Variants in ALKBH5 observed in about 807,000 individuals in gnomAD.
ALKBH5 encodes RNA demethylase ALKBH5.
ALKBH5 carries 2 observed loss-of-function variants against 32.1 expected under a neutral mutation model. That is an observed-to-expected ratio of 0.06 (90% CI 0.03 to 0.20). The LOEUF is 0.20. ALKBH5 is among the 10% of genes least tolerant of loss of function. ALKBH5 has a pLI of 1.00. For synonymous variants in ALKBH5, 300 were observed against 231.7 expected (o/e 1.29, Z -2.68); for missense variants, 352 against 559.5 (o/e 0.63, Z 3.74).
intron 1 of ALKBH5, among the ~76,000 whole-genome samples, chr17:18,190,933 T>G (rs967194482): frequency 1.3e-5 from 2 of 152,188 alleles, no homozygotes; most frequent in Non-Finnish European, 2.9e-5. Flanking sequence ...TTGCAACATA[T>G]ACTGGTCAGT....
chr17:18,204,958 G>A (rs1597842647), intron 2 of ALKBH5, among the ~76,000 whole-genome samples: 1 of 152,048 alleles, frequency 6.6e-6, no homozygotes. Context: ...GCTTGGGCAG[G>A]AGGATCCCTT....
intron 1 of ALKBH5, among the ~76,000 whole-genome samples, chr17:18,187,244 G>A (rs541888529): frequency 1.1e-4 from 17 of 152,176 alleles, no homozygotes; most frequent in African/African-American, 4.1e-4. Flanking sequence ...CTAGGAATGA[G>A]CCAAGCAGAG....
chr17:18,194,343 G>A (rs957693905), intron 1 of ALKBH5, among the ~76,000 whole-genome samples: 2 of 152,064 alleles, frequency 1.3e-5, no homozygotes, highest in African/African-American at 4.8e-5. Flanking sequence ...TAGTAGAGAT[G>A]GGGTTTCGCC....
At chr17:18,205,932 C>T (rs191756343) in intron 2 of ALKBH5, among the ~76,000 whole-genome samples, 1 of 152,312 alleles carries the variant, frequency 6.6e-6, no homozygotes, top group Admixed American at 6.5e-5. Flanking sequence ...CTATCGCTTC[C>T]CACCCAGTCT....
intron 1 of ALKBH5, among the ~76,000 whole-genome samples, chr17:18,188,285 A>ATCTT (rs2047151824): frequency 6.6e-6 from 1 of 152,246 alleles, no homozygotes; most frequent in Admixed American, 6.5e-5. Context: ...TGCTATCTTT[A>ATCTT]ATCACTGCTA....
chr17:18,201,841 TA>T (rs1414095333), intron 2 of ALKBH5, among the ~76,000 whole-genome samples: 30 of 73,568 alleles, frequency 4.1e-4, no homozygotes, highest in African/African-American at 7.1e-4. Context: ...AGATAGATGA[TA>T]GATAGATTGA....
chr17:18,201,671 G>A (rs894490627), intron 2 of ALKBH5, among the ~76,000 whole-genome samples: 1 of 152,030 alleles, frequency 6.6e-6, no homozygotes, highest in African/African-American at 2.4e-5. Context: ...CTTGAGCATG[G>A]GAGGCAGAGG....
Position 18,184,303 on chromosome 17 carries a change from G to A in ALKBH5, c.60G>A (p.Arg20=), listed in dbSNP as rs1319894128. ...AGAAGCTCAAGTCCATGACGTCCCG[G>A]GACAACTATAAGGCGGGCAGCCGGG... The part of the protein sequence containing the change: ...LREKLKSMTS[R]DNYKAGSREA... Residue 20 remains arginine, a synonymous_variant, in exon 1 of 4, where the codon CGG becomes CGA. Transcript: ENST00000399138. 5.2e-6 allele frequency: 8 copies of A among 1,527,804 alleles called. No homozygotes were observed. The Admixed American group carries it at 1.5e-4, about 28-fold the overall frequency. 94.6% of individuals were successfully genotyped at this position (1,527,804 alleles called of 1,614,324 possible). A position where few individuals can be genotyped will look rare whatever the true frequency, so the allele number is the denominator to read the frequency against.
chr17:18,205,553 G>GT (rs1231985996), intron 2 of ALKBH5, among the ~76,000 whole-genome samples: 1 of 152,226 alleles, frequency 6.6e-6, no homozygotes, highest in Non-Finnish European at 1.5e-5. Flanking sequence ...CACGTTCAGA[G>GT]TAACTCTTGC....
At chr17:18,203,185 G>T (rs528976904) in intron 2 of ALKBH5, among the ~76,000 whole-genome samples, 1 of 152,002 alleles carries the variant, frequency 6.6e-6, no homozygotes, top group Non-Finnish European at 1.5e-5. Context: ...CTCCCAAAGT[G>T]CTGGGATTAC....
chr17:18,207,101 C>T (rs2047273620), intron 3 of ALKBH5, 131 bp downstream of exon 3: 11 of 1,278,750 alleles, frequency 8.6e-6, no homozygotes, highest in Middle Eastern at 4.7e-4. Flanking sequence ...TGTCTGGTTC[C>T]TCTGGGTTGG....
chr17:18,197,116 T>G (rs998684932), intron 2 of ALKBH5, among the ~76,000 whole-genome samples: 1 of 152,182 alleles, frequency 6.6e-6, no homozygotes. Context: ...TTAGTCTGTT[T>G]TAACTATAGT....
At chr17:18,193,440 G>T (rs2047189243) in intron 1 of ALKBH5, among the ~76,000 whole-genome samples, 1 of 152,040 alleles carries the variant, frequency 6.6e-6, no homozygotes, top group African/African-American at 2.4e-5. Context: ...CCAGCTACTT[G>T]GGAGGCTGAG....
intron 3 of ALKBH5, 121 bp downstream of exon 3, chr17:18,207,091 T>G: frequency 7.5e-7 from 1 of 1,341,118 alleles, no homozygotes; most frequent in Non-Finnish European, 1.0e-6. Context: ...CAAAACCTTA[T>G]GTCTGGTTCC....
chr17:18,187,237 G>A (rs1412320383), intron 1 of ALKBH5, among the ~76,000 whole-genome samples: 1 of 152,042 alleles, frequency 6.6e-6, no homozygotes, highest in Admixed American at 6.6e-5. Context: ...AAAGTGACTA[G>A]GAATGAGCCA....
At position 18,184,475 on chromosome 17, in the gene ALKBH5, A is replaced by G. The variant is rs576498560; in HGVS notation, c.232A>G (p.Lys78Glu). The G allele has an allele frequency of 1.4e-5, 22 of 1,612,712 alleles. No individual in the cohort carries two copies. Among genetic ancestry groups the G allele is most frequent in the Middle Eastern group, 1.6e-4 (1 of 6,062 alleles). Residue 78 changes from lysine to glutamate, a missense_variant, in exon 1 of 4, where the codon AAG becomes GAG. Physicochemically the swap from Lys to Glu is moderately conservative, Grantham distance 56. This residue lies in a region of ALKBH5 where 144 missense variants were observed against 125.8 expected (regional missense o/e 1.14). Coordinates refer to ENST00000399138, the MANE Select transcript of ALKBH5 (RefSeq NM_017758.4). Reference protein sequence around the residue: ...RSDYEEQQLQKEEEARKVKSG... With the variant: ...RSDYEEQQLQEEEEARKVKSG... Reference sequence around the variant, plus strand: ...CGACTATGAGGAGCAGCAGCTGCAGAAGGAGGAGGAGGCGCGCAAGGTGAA... The same window carrying G: ...CGACTATGAGGAGCAGCAGCTGCAGGAGGAGGAGGAGGCGCGCAAGGTGAA...
In ALKBH5 at chr17:18,206,916, C is replaced by G; in HGVS notation, c.953C>G (p.Pro318Arg). The G allele has an allele frequency of 2.5e-6, 4 of 1,614,268 alleles. No homozygotes were observed. Among genetic ancestry groups the G allele is most frequent in the Non-Finnish European group, 3.4e-6 (4 of 1,180,050 alleles). Reference sequence around the variant, plus strand: ...CGCCTGTCAGGAAACAACAGGGACCCTGCTCTGAAACCCAAGCGGTCCCAC... The same window carrying G: ...CGCCTGTCAGGAAACAACAGGGACCGTGCTCTGAAACCCAAGCGGTCCCAC... The part of the protein sequence containing the change: ...SDRLSGNNRD[P>R]ALKPKRSHRK... The change falls in exon 3 of 4, where the codon CCT (proline) becomes CGT (arginine). Residue 318 changes from proline (P) to arginine (R), a missense_variant. This residue lies in a region of ALKBH5 where 124 missense variants were observed against 142.4 expected (regional missense o/e 0.87). Coordinates refer to ENST00000399138, the MANE Select transcript of ALKBH5 (RefSeq NM_017758.4).
In ALKBH5 at chr17:18,208,283, C is replaced by T. The variant is rs762603610; in HGVS notation, c.1072C>T (p.Arg358Trp). 38 of 1,614,080 alleles carry T rather than the reference C, an allele frequency of 2.4e-5. No homozygotes were observed. The highest frequency in any genetic ancestry group is 4.5e-5 in the East Asian group (2 of 44,870). The change falls in exon 4 of 4, where the codon CGG becomes TGG. Residue 358 changes from arginine (R) to tryptophan (W), a missense_variant. Physicochemically the swap from Arg to Trp is moderately radical, Grantham distance 101. This residue lies in a region of ALKBH5 where 124 missense variants were observed against 142.4 expected (regional missense o/e 0.87). Transcript: ENST00000399138. Reference protein sequence around the residue: ...RRSVLLPTHRRRGSFSSENYW... With the variant: ...RRSVLLPTHRWRGSFSSENYW... ...CTCGGTGCTGCTGCCCACACACCGG[C>T]GGAGGGGTAGCTTCAGCTCTGAGAA...
At chr17:18,208,060 G>C (rs2047280367) in intron 3 of ALKBH5, among the ~76,000 whole-genome samples, 159 bp from the exon 4 acceptor site, 1 of 152,192 alleles carries the variant, frequency 6.6e-6, no homozygotes, top group African/African-American at 2.4e-5. Flanking sequence ...GCACTTAGTG[G>C]GCAAGAACCT....
Sources: gnomAD v4.1 joint callset for allele counts (sites outside exome capture counted in the v4.1 genomes callset) on GRCh38, gnomAD v4.1.1 for gene constraint, gnomAD v4.1.1 regional missense constraint, MANE v1.5 for transcripts, NCBI Gene and HGNC (gene_info 2026-07-23, HGNC 2026-07-21) for gene names.